SGO2: variants seen among roughly 807,000 people sequenced by gnomAD.
SGO2 encodes the protein shugoshin-like 2.
In SGO2, 68 loss-of-function variants were observed where a neutral mutation model predicts 99.5. That is an observed-to-expected ratio of 0.68 (90% CI 0.56 to 0.84). The LOEUF is 0.84. Ranked by LOEUF, SGO2 falls within the 40% of genes least tolerant of loss-of-function variation. SGO2 has a pLI of 0.00. For missense variants in SGO2, 1,350 were observed against 1,436.7 expected (o/e 0.94, Z 0.97); for synonymous variants, 457 against 487.1 (o/e 0.94, Z 0.81).
intron 8 of SGO2, among the ~76,000 whole-genome samples, chr2:200,582,128 A>G (rs1335288232): frequency 6.6e-6 from 1 of 152,190 alleles, no homozygotes; most frequent in African/African-American, 2.4e-5. Context: ...TGAAAAAATA[A>G]AATTATTGGG....
intron 5 of SGO2, among the ~76,000 whole-genome samples, chr2:200,560,920 CTTTTCAAGT>C (rs780931900): frequency 9.2e-5 from 14 of 152,184 alleles, no homozygotes; most frequent in Non-Finnish European, 1.6e-4. Context: ...AGATATGGGG[CTTTTCAAGT>C]TTTTGGTTTC....
chr2:200,580,346 A>G (rs1035168765), intron 8 of SGO2, among the ~76,000 whole-genome samples: 2 of 151,990 alleles, frequency 1.3e-5, no homozygotes, highest in African/African-American at 2.4e-5. Context: ...CAAATTAGGT[A>G]GTAGTTTATT....
intron 5 of SGO2, among the ~76,000 whole-genome samples, chr2:200,544,316 C>T (rs919206613): frequency 6.6e-6 from 1 of 152,194 alleles, no homozygotes; most frequent in Non-Finnish European, 1.5e-5. Context: ...GAGTCTTGCT[C>T]TGTCACCCAA....
In SGO2 at chr2:200,573,737, T is replaced by A; in HGVS notation, c.3391T>A (p.Phe1131Ile). ...GAAAATGGTCAAAAATAAGCCAGACTTTTACACAAAGGCATTTAGATCTTT... is the reference window on the plus strand; with the variant it reads ...GAAAATGGTCAAAAATAAGCCAGACATTTACACAAAGGCATTTAGATCTTT... Reference protein sequence around the residue: ...NEKMVKNKPDFYTKAFRSLSE... With the variant: ...NEKMVKNKPDIYTKAFRSLSE... The change falls in exon 7 of 9, where the codon TTT (phenylalanine) becomes ATT (isoleucine). Residue 1131 changes from phenylalanine to isoleucine, a missense_variant. Phe to Ile is a conservative substitution (Grantham distance 21). Coordinates refer to ENST00000357799, the MANE Select transcript of SGO2 (RefSeq NM_152524.6). The A allele has an allele frequency of 1.2e-6, 2 of 1,612,130 alleles. No homozygotes were observed. Among genetic ancestry groups the A allele is most frequent in the Non-Finnish European group, 1.7e-6 (2 of 1,179,234 alleles).
In SGO2 at chr2:200,562,955, T is replaced by G. The variant is rs1207143146; in HGVS notation, c.474-6708T>G. On this transcript the variant is annotated intron_variant, in intron 5 of 8. Transcript: ENST00000357799. Reference sequence around the variant, plus strand: ...GTTGCTTATCAGCTTAAGGAGATTTTGGGCTGAGACGATGAGGTTTTTTTA... The same window carrying G: ...GTTGCTTATCAGCTTAAGGAGATTTGGGGCTGAGACGATGAGGTTTTTTTA... 2.0e-5 allele frequency among the ~76,000 whole-genome samples: 3 copies of G among 152,348 alleles called. No homozygotes were observed. In the East Asian group the frequency reaches 5.8e-4, roughly 29 times the overall value.
At position 200,572,771 on chromosome 2, in the gene SGO2, A is replaced by G; in HGVS notation, c.2425A>G (p.Arg809Gly). The part of the protein sequence containing the change: ...QNDSKIGKKP[R>G]LNVCQKSEII... ...TGATTCAAAAATAGGTAAGAAGCCT[A>G]GACTAAATGTATGTCAAAAGTCAGA... is the stretch of plus-strand genomic sequence containing the variant. Residue 809 changes from arginine to glycine, a missense_variant, in exon 7 of 9, where the codon AGA (arginine) becomes GGA (glycine). By Grantham distance (125) the Arg-to-Gly change is moderately radical. Transcript: ENST00000357799. 2 of 1,613,114 alleles carry G rather than the reference A, an allele frequency of 1.2e-6. No homozygotes were observed. The highest frequency in any genetic ancestry group is 1.1e-5 in the South Asian group (1 of 90,900).
At chr2:200,550,340 G>C (rs1041492008) in intron 5 of SGO2, among the ~76,000 whole-genome samples, 5 of 152,070 alleles carry the variant, frequency 3.3e-5, no homozygotes, top group Non-Finnish European at 5.9e-5. Flanking sequence ...CAGAAATAAG[G>C]GGGAAAAATC....
rs372492244 is a variant in SGO2, at chr2:200,575,502, T to G, written c.3782+41T>G. Reference sequence around the variant, plus strand: ...GATTTTAGTATGCCATTATAAAATATATCCTTAAAAAAATTTCTGCCTGAA... The same window carrying G: ...GATTTTAGTATGCCATTATAAAATAGATCCTTAAAAAAATTTCTGCCTGAA... On this transcript the variant is annotated intron_variant, in intron 8 of 8. Coordinates refer to ENST00000357799, the MANE Select transcript of SGO2 (RefSeq NM_152524.6). 4 of 1,457,884 alleles carry G rather than the reference T, an allele frequency of 2.7e-6. No individual in the cohort carries two copies. In the East Asian group the frequency reaches 9.2e-5, roughly 33 times the overall value. The allele number at this position is 1,457,884 out of a possible 1,614,324, so 90.3% of individuals were successfully genotyped here.
intron 5 of SGO2, among the ~76,000 whole-genome samples, chr2:200,559,888 A>G (rs188986293): frequency 1.1e-3 from 168 of 152,264 alleles, no homozygotes; most frequent in Non-Finnish European, 1.9e-3. Context: ...TAATTCTGCT[A>G]TAATTAGGGA....
chr2:200,556,181 G>T (rs2032707324), intron 5 of SGO2, among the ~76,000 whole-genome samples: 1 of 152,114 alleles, frequency 6.6e-6, no homozygotes, highest in African/African-American at 2.4e-5. Context: ...GGCCAGGCTG[G>T]TCTCGAACTC....
chr2:200,571,449 C>A lies in SGO2; in HGVS notation c.1103C>A (p.Thr368Asn). ...KTVYDADMDL[T>N]ASEVSKIVTV... is the part of the protein sequence containing the mutation. The stretch of plus-strand genomic sequence containing the variant: ...GTGTATGATGCTGACATGGATTTAA[C>A]TGCTAGTGAAGTCAGCAAAATTGTC... Residue 368 changes from threonine to asparagine, a missense_variant, in exon 7 of 9, where the codon ACT becomes AAT. Physicochemically the swap from Thr to Asn is moderately conservative, Grantham distance 65 (BLOSUM62 0). Transcript: ENST00000357799. The A allele has an allele frequency of 6.2e-7, 1 of 1,610,562 alleles. No individual in the cohort carries two copies. The highest frequency in any genetic ancestry group is 2.2e-5 in the East Asian group (1 of 44,832).
At chr2:200,568,299 A>G (rs2033267220) in intron 5 of SGO2, among the ~76,000 whole-genome samples, 2 of 152,112 alleles carry the variant, frequency 1.3e-5, no homozygotes, top group African/African-American at 4.8e-5. Context: ...GTGAGTTTAA[A>G]TCATGTTTTT....
intron 1 of SGO2, among the ~76,000 whole-genome samples, chr2:200,529,604 G>T (rs1452956956): frequency 1.3e-5 from 2 of 152,184 alleles, no homozygotes; most frequent in South Asian, 2.1e-4. Flanking sequence ...TCAGCTCACT[G>T]CAGCCTCCAC....
intron 8 of SGO2, among the ~76,000 whole-genome samples, chr2:200,575,739 AT>A (rs2033633468): frequency 6.6e-6 from 1 of 152,126 alleles, no homozygotes; most frequent in Non-Finnish European, 1.5e-5. Flanking sequence ...GATACTTATA[AT>A]TTTTAAAATT....
At chr2:200,541,338 A>G (rs900788174) in intron 4 of SGO2, among the ~76,000 whole-genome samples, 1 of 152,204 alleles carries the variant, frequency 6.6e-6, no homozygotes, top group East Asian at 1.9e-4. Context: ...GGTACTAGGC[A>G]ACCAGGGACC....
chr2:200,569,585 T>C (rs891531636), intron 5 of SGO2, 78 bp from the exon 6 acceptor site: 1 of 1,042,740 alleles, frequency 9.6e-7, no homozygotes, highest in Non-Finnish European at 1.4e-6. Context: ...TTAAATAGAA[T>C]ATAGAAATAA....
At chr2:200,567,491 C>A (rs554433835) in intron 5 of SGO2, among the ~76,000 whole-genome samples, 12 of 152,156 alleles carry the variant, frequency 7.9e-5, no homozygotes, top group Non-Finnish European at 1.8e-4. Context: ...TGAAATTCAC[C>A]CTTTTAAAGT....
intron 8 of SGO2, chr2:200,580,442 TTTA>T (rs1312051099): frequency 2.4e-6 from 1 of 425,236 alleles, no homozygotes; most frequent in Non-Finnish European, 4.7e-6. Flanking sequence ...CTGCTTCATA[TTTA>T]TTATTTCCTT....
intron 5 of SGO2, among the ~76,000 whole-genome samples, chr2:200,560,807 A>G (rs2032911452): frequency 6.6e-6 from 1 of 152,126 alleles, no homozygotes. Flanking sequence ...TCAATTTTTG[A>G]AAGAGTTTGT....
Sources: allele counts gnomAD v4.1 joint callset (sites outside exome capture counted in the v4.1 genomes callset), GRCh38; gene constraint gnomAD v4.1.1; transcripts MANE v1.5; gene names NCBI Gene and HGNC (gene_info 2026-07-23, HGNC 2026-07-21).